Variants in BLMH observed in about 807,000 individuals in gnomAD.
BLMH encodes the protein bleomycin hydrolase, also known as BLM hydrolase.
BLMH carries 32 observed loss-of-function variants against 61.6 expected under a neutral mutation model. That is an observed-to-expected ratio of 0.52 (90% CI 0.39 to 0.70). The LOEUF (loss-of-function observed/expected upper bound fraction) is 0.70, where lower values mean the gene tolerates loss of function less well. BLMH is among the 30% of genes least tolerant of loss of function. The pLI is 0.00. For missense variants in BLMH, 460 were observed against 555.5 expected, an observed-to-expected ratio of 0.83 and a Z score of 1.73; for synonymous variants, 183 against 193.8, an observed-to-expected ratio of 0.94 and a Z score of 0.46.
chr17:30,259,627 A>C (rs754617076), intron 11 of BLMH, among the ~76,000 whole-genome samples: 1 of 152,102 alleles, frequency 6.6e-6, no homozygotes, highest in Non-Finnish European at 1.5e-5. Flanking sequence ...GGAGCACACC[A>C]TGAATGCCAC....
At chr17:30,269,113 C>G (rs1290554876) in intron 10 of BLMH, among the ~76,000 whole-genome samples, 1 of 150,448 alleles carries the variant, frequency 6.6e-6, no homozygotes, top group Non-Finnish European at 1.5e-5. Flanking sequence ...ATTTAAAGAA[C>G]TTTAGTTTAG....
rs561924318 is a variant in BLMH, at chr17:30,271,175, T to C, written c.1146+96A>G. 5 of 962,104 alleles carry C rather than the reference T, an allele frequency of 5.2e-6. No individual in the cohort carries two copies. In the South Asian group the frequency reaches 5.6e-5, roughly 11 times the overall value. 59.6% of individuals were successfully genotyped at this position (962,104 alleles called of 1,614,324 possible). A position where few individuals can be genotyped will look rare whatever the true frequency, so the allele number is the denominator to read the frequency against. On this transcript the variant is annotated intron_variant, in intron 10 of 11. Transcript: ENST00000261714. ...GGAAACTAACTTTTAACAGAAATCA[T>C]ATACACTATGAATGAAGCTTTGTTG... is the stretch of plus-strand genomic sequence containing the variant.
At chr17:30,253,460 C>T (rs117015408) in intron 11 of BLMH, among the ~76,000 whole-genome samples, 4 of 152,090 alleles carry the variant, frequency 2.6e-5, no homozygotes, top group Admixed American at 6.6e-5. Context: ...CAAGTAATTG[C>T]GCCCTATGTA....
chr17:30,288,258 T>C lies in BLMH; in HGVS notation c.322-311A>G, dbSNP rs1002536851. 3.3e-4 allele frequency: 85 copies of C among 261,432 alleles called. 1 individual carries two copies. In the South Asian group the frequency reaches 4.1e-3, roughly 13 times the overall value. The allele number at this position is 261,432 out of a possible 1,614,324, so 16.2% of individuals were successfully genotyped here. On this transcript the variant is annotated intron_variant, in intron 3 of 11. Transcript: ENST00000261714. ...TCAGAATATCTGAAGTTTCTTCTTTTACCTGTGTATGTATCCCAATATATT... is the reference window on the plus strand; with the variant it reads ...TCAGAATATCTGAAGTTTCTTCTTTCACCTGTGTATGTATCCCAATATATT...
At position 30,291,906 on chromosome 17, in the gene BLMH, G is replaced by A; in HGVS notation, c.-87C>T. ...TTGCGCTGCGGCTCGCTGCCTAGGG[G>A]GCCCGACCTGTCTCTCGCACCCGGA... On this transcript the variant is annotated 5_prime_UTR_variant, in exon 1 of 12. Transcript: ENST00000261714. 8.0e-7 allele frequency: 1 copy of A among 1,254,068 alleles called. No individual in the cohort carries two copies. Among genetic ancestry groups the A allele is most frequent in the Non-Finnish European group, 1.0e-6 (1 of 993,708 alleles). The allele number at this position is 1,254,068 out of a possible 1,614,324, so 77.7% of individuals were successfully genotyped here.
chr17:30,285,571 A>G (rs1282869778), intron 5 of BLMH, 91 bp from the exon 6 acceptor site: 8 of 1,013,012 alleles, frequency 7.9e-6, no homozygotes, highest in Middle Eastern at 2.9e-4. Flanking sequence ...ATTTTGAGGT[A>G]TAACTCAGGC....
chr17:30,267,103 G>GGCAGCC, intron 10 of BLMH, 149 bp from the exon 11 acceptor site: 3 of 650,630 alleles, frequency 4.6e-6, no homozygotes, highest in Non-Finnish European at 5.5e-6. Context: ...GCTCTAAACA[G>GGCAGCC]TACTTGGTCA....
Position 30,248,833 on chromosome 17 carries a change from C to A in BLMH, c.*184G>T. ...CTGATCTTCCCCCCTCTTTTTTTTC[C>A]TTTAACAGTATTCTGTTTCAGCATA... On this transcript the variant is annotated 3_prime_UTR_variant, in exon 12 of 12. Transcript: ENST00000261714. The A allele has an allele frequency of 1.5e-6, 1 of 660,232 alleles. No individual in the cohort carries two copies. The highest frequency in any genetic ancestry group is 2.2e-5 in the South Asian group (1 of 44,544). 40.9% of individuals were successfully genotyped at this position (660,232 alleles called of 1,614,324 possible).
intron 6 of BLMH, among the ~76,000 whole-genome samples, chr17:30,282,226 T>G (rs977577113): frequency 2.0e-5 from 3 of 148,504 alleles, no homozygotes; most frequent in Non-Finnish European, 4.5e-5. Context: ...AAGGTTTTTT[T>G]TTTTTTTTTT....
intron 2 of BLMH, among the ~76,000 whole-genome samples, 186 bp from the exon 3 acceptor site, chr17:30,289,668 G>C (rs1441123459): frequency 6.6e-6 from 1 of 152,134 alleles, no homozygotes; most frequent in Non-Finnish European, 1.5e-5. Flanking sequence ...TATATGCAAA[G>C]GTTTAATATC....
intron 11 of BLMH, among the ~76,000 whole-genome samples, chr17:30,253,786 T>C (rs1907738468): frequency 6.6e-6 from 1 of 152,214 alleles, no homozygotes; most frequent in African/African-American, 2.4e-5. Flanking sequence ...TGAAATTAAA[T>C]TTTGTTTAAA....
Position 30,276,712 on chromosome 17 carries a change from A to C in BLMH, c.646-2515T>G, listed in dbSNP as rs143788613. 2.8e-4 allele frequency among the ~76,000 whole-genome samples: 43 copies of C among 152,320 alleles called. 1 individual carries two copies. The highest frequency in any genetic ancestry group is 1.0e-3 in the African/African-American group (43 of 41,564). On this transcript the variant is annotated intron_variant, in intron 6 of 11. Coordinates refer to ENST00000261714, the MANE Select transcript of BLMH (RefSeq NM_000386.4). ...ACCTAATTCCTTTTTCTTACTTTTT[A>C]ACTTAGGCAAAACATATGTTTAGTG...
At chr17:30,253,312 C>T (rs937595107) in intron 11 of BLMH, among the ~76,000 whole-genome samples, 1 of 152,186 alleles carries the variant, frequency 6.6e-6, no homozygotes, top group Admixed American at 6.5e-5. Flanking sequence ...CAGATTAAGT[C>T]CTCACAAATT....
chr17:30,270,215 T>C (rs572534075), intron 10 of BLMH, among the ~76,000 whole-genome samples: 2 of 152,330 alleles, frequency 1.3e-5, no homozygotes, highest in African/African-American at 4.8e-5. Context: ...CAAACCATTT[T>C]CTAGCTGGGT....
Position 30,274,124 on chromosome 17 carries a change from T to G in BLMH, c.719A>C (p.Lys240Thr). The G allele has an allele frequency of 2.5e-6, 4 of 1,614,192 alleles. No individual in the cohort carries two copies. The highest frequency in any genetic ancestry group is 3.4e-6 in the Non-Finnish European group (4 of 1,180,008). ...TATGGGGCCAATTTTCTGATAATTT[T>G]TATCTTTGTCTCGATATTCCCAGGT... ...TFTWEYRDKD[K>T]NYQKIGPITP... The change falls in exon 7 of 12, where the codon AAA becomes ACA. Residue 240 changes from lysine to threonine, a missense_variant. Around this residue, in one of 5 missense-constraint regions of BLMH, gnomAD observed 310 missense variants for 371.1 expected, o/e 0.84. Transcript: ENST00000261714.
intron 9 of BLMH, 63 bp from the exon 10 acceptor site, chr17:30,271,451 T>C: frequency 7.5e-7 from 1 of 1,328,424 alleles, no homozygotes; most frequent in East Asian, 2.3e-5. Flanking sequence ...TGGCTTTTGG[T>C]TGTAAAAGGA....
chr17:30,252,179 A>G (rs1232067397), intron 11 of BLMH: 1 of 152,170 alleles, frequency 6.6e-6, no homozygotes, highest in African/African-American at 2.4e-5. Context: ...GGAACCAAAG[A>G]TCACACTTTG....
chr17:30,288,110 G>C (rs1908781774), intron 3 of BLMH, 163 bp from the exon 4 acceptor site: 13 of 682,012 alleles, frequency 1.9e-5, no homozygotes, highest in Non-Finnish European at 1.1e-5. Flanking sequence ...TGTCATCCTT[G>C]TACAGAGGCC....
At chr17:30,254,374 G>A (rs1907758058) in intron 11 of BLMH, among the ~76,000 whole-genome samples, 2 of 152,162 alleles carry the variant, frequency 1.3e-5, no homozygotes, top group South Asian at 4.1e-4. Flanking sequence ...CAAGGTTGAA[G>A]AAAGGCTCCC....
Sources: gnomAD v4.1 joint callset for allele counts (sites outside exome capture counted in the v4.1 genomes callset) on GRCh38, gnomAD v4.1.1 for gene constraint, gnomAD v4.1.1 regional missense constraint, MANE v1.5 for transcripts, NCBI Gene and HGNC (gene_info 2026-07-23, HGNC 2026-07-21) for gene names.